Variants in ARHGAP9 observed in about 807,000 individuals in gnomAD.
ARHGAP9 encodes the protein rho GTPase-activating protein 9.
ARHGAP9 carries 76 observed loss-of-function variants against 87.3 expected under a neutral mutation model. That is an observed-to-expected ratio of 0.87 (90% CI 0.72 to 1.05). The LOEUF is 1.05. ARHGAP9 is among the 50% of genes least tolerant of loss of function. The probability of loss-of-function intolerance (pLI) is 0.00; values close to 1 mark genes in which losing one functional copy is unlikely to be tolerated. For missense variants in ARHGAP9, 941 were observed against 960.5 expected (o/e 0.98, Z 0.27); for synonymous variants, 382 against 394.9 (o/e 0.97, Z 0.39).
chr12:57,485,665 T>G (rs1617201), intron 1 of ARHGAP9, among the ~76,000 whole-genome samples: 24,731 of 151,988 alleles, frequency 0.16, 2,120 homozygotes, highest in East Asian at 0.27. Context: ...CAGGCATAAG[T>G]TACTGGGCCT....
At chr12:57,486,354 C>G (rs1000489410) in intron 1 of ARHGAP9, among the ~76,000 whole-genome samples, 1 of 151,656 alleles carries the variant, frequency 6.6e-6, no homozygotes, top group Non-Finnish European at 1.5e-5. Context: ...ACTGCAACCT[C>G]TGCCTCCTGG....
At chr12:57,473,810 T>C (rs960001130) in intron 16 of ARHGAP9, 102 bp from the exon 17 acceptor site, 6 of 1,230,914 alleles carry the variant, frequency 4.9e-6, no homozygotes, top group African/African-American at 4.5e-5. Context: ...GAAGACATCA[T>C]TAATCTAGCA....
Position 57,476,413 on chromosome 12 carries a change from C to CTGT in ARHGAP9, c.1064_1066dup (p.Asn355dup). The CTGT allele has an allele frequency of 6.2e-7, 1 of 1,614,136 alleles. No homozygotes were observed. Among genetic ancestry groups the CTGT allele is most frequent in the Non-Finnish European group, 8.5e-7 (1 of 1,180,030 alleles). ...CGGTGGCTCTCGGTAGAACACCAGG[C>CTGT]TGTTACCCGTTAACACCACCCAAGA... On this transcript the variant is annotated inframe_insertion, in exon 8 of 18. Coordinates refer to ENST00000393791, the MANE Select transcript of ARHGAP9 (RefSeq NM_032496.4).
chr12:57,476,955 G>C lies in ARHGAP9; in HGVS notation c.879C>G (p.Leu293=), dbSNP rs775933745. 5 of 1,612,944 alleles carry C rather than the reference G, an allele frequency of 3.1e-6. No homozygotes were observed. Among genetic ancestry groups the C allele is most frequent in the Admixed American group, 3.3e-5 (2 of 59,890 alleles). Residue 293 remains leucine (L), a synonymous_variant, in exon 6 of 18, where the codon CTC becomes CTG. Coordinates refer to ENST00000393791, the MANE Select transcript of ARHGAP9 (RefSeq NM_032496.4). The part of the protein sequence containing the change: ...TPEPLDPQGS[L]SLSQRTSQLD... ...GCTGCGAGGTGCGTTGGCTGAGGCT[G>C]AGTGAACCCTAGGGGAGAGGATTGG...
intron 1 of ARHGAP9, among the ~76,000 whole-genome samples, chr12:57,485,021 C>T (rs1875293724): frequency 6.6e-6 from 1 of 151,770 alleles, no homozygotes; most frequent in South Asian, 2.1e-4. Flanking sequence ...TCTCAGCTCA[C>T]TGCAACCTCT....
chr12:57,485,403 A>G (rs925303736), intron 1 of ARHGAP9, among the ~76,000 whole-genome samples: 3 of 151,816 alleles, frequency 2.0e-5, no homozygotes, highest in Non-Finnish European at 4.4e-5. Context: ...TAAAAATACA[A>G]AAATTAGCCG....
At position 57,477,508 on chromosome 12, in the gene ARHGAP9, A is replaced by C. The variant is rs1404558445; in HGVS notation, c.707T>G (p.Leu236Arg). The change falls in exon 4 of 18, where the codon CTG becomes CGG. Residue 236 changes from leucine (L) to arginine (R), a missense_variant. Physicochemically the swap from Leu to Arg is moderately radical, Grantham distance 102. Transcript: ENST00000393791. Reference protein sequence around the residue: ...NSGRCFYINSLTGCKSWKPPR... With the variant: ...NSGRCFYINSRTGCKSWKPPR... ...GGGCTTCCAGGACTTGCAGCCAGTC[A>C]GTGAATTTATGTAGAAGCAGCGTCC... 1.9e-6 allele frequency: 3 copies of C among 1,614,116 alleles called. No homozygotes were observed. Among genetic ancestry groups the C allele is most frequent in the Non-Finnish European group, 2.5e-6 (3 of 1,180,002 alleles).
Position 57,479,743 on chromosome 12 carries a change from T to C in ARHGAP9, c.-32A>G, listed in dbSNP as rs1375512579. On this transcript the variant is annotated 5_prime_UTR_variant, in exon 1 of 18. The change abolishes an upstream ATG in the 5' untranslated region. Coordinates refer to ENST00000393791, the MANE Select transcript of ARHGAP9 (RefSeq NM_032496.4). ...TCCTCCAAGTACCTTGTGGGGCCCA[T>C]CAGAAGATTCAGGAGCAGGAGTTGG... The C allele has an allele frequency of 6.4e-7, 1 of 1,550,518 alleles. No homozygotes were observed. Among genetic ancestry groups the C allele is most frequent in the Non-Finnish European group, 8.7e-7 (1 of 1,146,972 alleles).
rs1207448880 is a variant in ARHGAP9 at position 57,475,935 on chromosome 12, A to C, written c.1213-4T>G. ...CGTGGCCAGGGATCGTGCGGATCTG[A>C]GGGCCAGGCAAGGAAACGCTCGGGT... On this transcript the variant is annotated splice_region_variant and splice_polypyrimidine_tract_variant and intron_variant, in intron 9 of 17. Transcript: ENST00000393791. The C allele has an allele frequency of 6.2e-7, 1 of 1,611,224 alleles. No individual in the cohort carries two copies. The highest frequency in any genetic ancestry group is 8.5e-7 in the Non-Finnish European group (1 of 1,178,696).
chr12:57,479,009 C>T (rs1594791550), intron 2 of ARHGAP9, 82 bp downstream of exon 2: 3 of 1,513,818 alleles, frequency 2.0e-6, no homozygotes, highest in Non-Finnish European at 2.7e-6. Context: ...AGGGGGACCT[C>T]CCCAAAATTC....
rs776686095 is a variant in ARHGAP9 at position 57,475,626 on chromosome 12, G to A, written c.1312-11C>T. 2 of 1,606,980 alleles carry A rather than the reference G, an allele frequency of 1.2e-6. No homozygotes were observed. Among genetic ancestry groups the A allele is most frequent in the Non-Finnish European group, 8.5e-7 (1 of 1,176,948 alleles). On this transcript the variant is annotated splice_polypyrimidine_tract_variant and intron_variant, in intron 10 of 17. Coordinates refer to ENST00000393791, the MANE Select transcript of ARHGAP9 (RefSeq NM_032496.4). ...GGGGTTCTCCCGATCCTAGACCCGG[G>A]GCGGGCCGTGTCGAAGGTGAGAGAG...
At chr12:57,486,841 G>A (rs1263816069) in intron 1 of ARHGAP9, among the ~76,000 whole-genome samples, 1 of 146,716 alleles carries the variant, frequency 6.8e-6, no homozygotes, top group African/African-American at 2.5e-5. Flanking sequence ...AGCCGAGATC[G>A]CGCCACTGCA....
intron 3 of ARHGAP9, chr12:57,478,329 C>A: frequency 1.7e-6 from 1 of 587,034 alleles, no homozygotes; most frequent in Admixed American, 3.1e-5. Context: ...TGCTCAGAGT[C>A]AACTGAATGC....
At chr12:57,486,620 G>GGCT (rs370697542) in intron 1 of ARHGAP9, among the ~76,000 whole-genome samples, 142,442 of 142,464 alleles carry the variant, frequency 1, 71,210 homozygotes, top group Middle Eastern at 1. Context: ...GGGCGCGGCT[G>GGCT]CACGCCTGTA....
rs1873715417 is a variant in ARHGAP9, at chr12:57,476,448, G to A, written c.1032C>T (p.Asn344=). The part of the protein sequence containing the change: ...IAQGGRKLRK[N]WGPSWVVLTG... ...TTAACACCACCCAAGACGGGCCCCA[G>A]TTCTTCCTGCGGGGACAGAGAGGGG... The change falls in exon 8 of 18, where the codon AAC becomes AAT. Residue 344 remains asparagine, a synonymous_variant. Coordinates refer to ENST00000393791, the MANE Select transcript of ARHGAP9 (RefSeq NM_032496.4). The A allele has an allele frequency of 6.2e-7, 1 of 1,614,064 alleles. No individual in the cohort carries two copies. Among genetic ancestry groups the A allele is most frequent in the Non-Finnish European group, 8.5e-7 (1 of 1,180,008 alleles).
chr12:57,483,547 A>C (rs534578), upstream of ARHGAP9, among the ~76,000 whole-genome samples: 151,954 of 152,316 alleles, frequency 1, 75,798 homozygotes, highest in Middle Eastern at 1. Flanking sequence ...CCCTCTCTAC[A>C]CTTTTCACAG....
At chr12:57,488,014 G>C in intron 1 of ARHGAP9, 1 of 1,241,274 alleles carries the variant, frequency 8.1e-7, no homozygotes, top group Non-Finnish European at 1.2e-6. Flanking sequence ...TCCATTTCCC[G>C]GCGTGCCTCG....
rs920025189 is a variant in ARHGAP9 at position 57,475,892 on chromosome 12, C to G, written c.1252G>C (p.Asp418His). ...CAGGCTCGCAGCTCTGTCTCGTGGT[C>G]CGACTGCAGCAGGAACTCGTGGCCA... is the stretch of plus-strand genomic sequence containing the variant. ...IPGHEFLLQS[D>H]HETELRAWHR... Residue 418 changes from aspartate (D) to histidine (H), a missense_variant, in exon 10 of 18, where the codon GAC becomes CAC. Asp to His is a moderately conservative substitution (Grantham distance 81, BLOSUM62 -1). Coordinates refer to ENST00000393791, the MANE Select transcript of ARHGAP9 (RefSeq NM_032496.4). The G allele has an allele frequency of 1.2e-6, 2 of 1,613,810 alleles. No homozygotes were observed. The highest frequency in any genetic ancestry group is 1.7e-6 in the Non-Finnish European group (2 of 1,179,874).
intron 3 of ARHGAP9, chr12:57,478,316 C>T (rs1342895949): frequency 5.3e-6 from 3 of 562,966 alleles, no homozygotes; most frequent in African/African-American, 1.9e-5. Context: ...TCTTTCTCCT[C>T]CTTGCTCAGA....
Sources: gnomAD v4.1 joint callset for allele counts (sites outside exome capture counted in the v4.1 genomes callset) on GRCh38, gnomAD v4.1.1 for gene constraint, MANE v1.5 for transcripts, NCBI Gene and HGNC (gene_info 2026-07-23, HGNC 2026-07-21) for gene names.